The following GAB2 variants were observed in gnomAD, a reference collection of about 807,000 sequenced individuals.
GAB2 encodes GRB2 associated binding protein 2.
Under a neutral mutation model 65.5 loss-of-function variants are expected in GAB2, and 26 were observed. The observed-to-expected ratio is 0.40, with a 90% CI of 0.29 to 0.55. The LOEUF is 0.55. Ranked by LOEUF, GAB2 falls within the 20% of genes least tolerant of loss-of-function variation. The pLI is 0.53. For missense variants in GAB2, 884 were observed against 875.8 expected (o/e 1.01, Z -0.12); for synonymous variants, 321 against 329.6 (o/e 0.97, Z 0.28).
intron 5 of GAB2, among the ~76,000 whole-genome samples, chr11:78,224,613 G>T (rs892021347): frequency 6.6e-6 from 1 of 152,102 alleles, no homozygotes; most frequent in African/African-American, 2.4e-5. Context: ...TTTTCAGTGG[G>T]CCTGAAGCCA....
chr11:78,339,118 G>T (rs932963522), intron 1 of GAB2, among the ~76,000 whole-genome samples: 2 of 152,102 alleles, frequency 1.3e-5, no homozygotes, highest in Non-Finnish European at 1.5e-5. Context: ...TAGAGATAGG[G>T]ATTTGCCATG....
chr11:78,244,236 A>G (rs1225571354), intron 3 of GAB2, among the ~76,000 whole-genome samples: 1 of 152,076 alleles, frequency 6.6e-6, no homozygotes, highest in Non-Finnish European at 1.5e-5. Context: ...TATTAAAAAT[A>G]GAAAAATTGG....
chr11:78,338,522 T>C (rs1194697735), intron 1 of GAB2, among the ~76,000 whole-genome samples: 1 of 152,218 alleles, frequency 6.6e-6, no homozygotes, highest in East Asian at 1.9e-4. Context: ...TTTAACACAC[T>C]ATGCGCTTTC....
At position 78,219,120 on chromosome 11, in the gene GAB2, G is replaced by C; in HGVS notation, c.*152C>G. Reference sequence around the variant, plus strand: ...TCAGGCCCTCACCTCCCAGGGGAAGGGTTCAGGGTCCCTGATGTCAAGTGC... The same window carrying C: ...TCAGGCCCTCACCTCCCAGGGGAAGCGTTCAGGGTCCCTGATGTCAAGTGC... On this transcript the variant is annotated 3_prime_UTR_variant, in exon 10 of 10. Coordinates refer to ENST00000361507, the MANE Select transcript of GAB2 (RefSeq NM_080491.3). 1.4e-6 allele frequency: 1 copy of C among 695,978 alleles called. No homozygotes were observed. Among genetic ancestry groups the C allele is most frequent in the Non-Finnish European group, 2.4e-6 (1 of 422,684 alleles). 43.1% of individuals were successfully genotyped at this position (695,978 alleles called of 1,614,324 possible). A position where few individuals can be genotyped will look rare whatever the true frequency, so the allele number is the denominator to read the frequency against.
At chr11:78,307,422 G>C (rs1855386355) in intron 1 of GAB2, among the ~76,000 whole-genome samples, 1 of 152,092 alleles carries the variant, frequency 6.6e-6, no homozygotes, top group Non-Finnish European at 1.5e-5. Context: ...ATTTGTGATG[G>C]GGAAAATAAA....
intron 1 of GAB2, among the ~76,000 whole-genome samples, chr11:78,366,499 T>C (rs961751071): frequency 6.8e-6 from 1 of 147,372 alleles, no homozygotes; most frequent in Non-Finnish European, 1.5e-5. Flanking sequence ...GGCAGGAGAA[T>C]TGCTTGAACC....
chr11:78,408,358 A>G (rs1001135092), intron 1 of GAB2, among the ~76,000 whole-genome samples: 2 of 152,218 alleles, frequency 1.3e-5, no homozygotes, highest in Non-Finnish European at 2.9e-5. Flanking sequence ...TATGTACAGT[A>G]TAATACCTAG....
chr11:78,253,926 A>C (rs1323291861), intron 2 of GAB2, among the ~76,000 whole-genome samples: 1 of 152,186 alleles, frequency 6.6e-6, no homozygotes, highest in Non-Finnish European at 1.5e-5. Context: ...GACACAACCT[A>C]CTTATTCTGC....
intron 1 of GAB2, among the ~76,000 whole-genome samples, chr11:78,390,847 G>A (rs1344543713): frequency 1.3e-5 from 2 of 152,160 alleles, no homozygotes; most frequent in Non-Finnish European, 2.9e-5. Context: ...TACATAATCC[G>A]TGATATGTAT....
intron 1 of GAB2, among the ~76,000 whole-genome samples, chr11:78,351,080 C>T (rs529220114): frequency 3.3e-5 from 5 of 152,186 alleles, no homozygotes; most frequent in South Asian, 2.1e-4. Context: ...AGCTGTTGAC[C>T]GAGGCAACTG....
chr11:78,387,519 A>G (rs1856783548), intron 1 of GAB2, among the ~76,000 whole-genome samples: 1 of 152,260 alleles, frequency 6.6e-6, no homozygotes, highest in African/African-American at 2.4e-5. Context: ...TGGGTTGAGA[A>G]ACAAATTTGT....
intron 1 of GAB2, among the ~76,000 whole-genome samples, chr11:78,325,089 G>A (rs1167667933): frequency 6.6e-6 from 1 of 152,100 alleles, no homozygotes; most frequent in African/African-American, 2.4e-5. Flanking sequence ...ATATGTACCT[G>A]CACACTGCTA....
In GAB2 at chr11:78,235,222, G is replaced by A. The variant is rs571211227; in HGVS notation, c.621-8171C>T. 3.3e-3 allele frequency among the ~76,000 whole-genome samples: 495 copies of A among 151,606 alleles called. 5 individuals are homozygous for A. The highest frequency in any genetic ancestry group is 2.7e-3 in the Non-Finnish European group (183 of 67,862). The stretch of plus-strand genomic sequence containing the variant: ...GGCTGGAGTGCAGTGGCACGATCTC[G>A]GCTCACTGCAAGCTCCGCCTCCCGG... On this transcript the variant is annotated intron_variant, in intron 3 of 9. Coordinates refer to ENST00000361507, the MANE Select transcript of GAB2 (RefSeq NM_080491.3).
At chr11:78,409,451 G>A (rs1442352741) in intron 1 of GAB2, among the ~76,000 whole-genome samples, 1 of 152,168 alleles carries the variant, frequency 6.6e-6, no homozygotes, top group Non-Finnish European at 1.5e-5. Flanking sequence ...GGGTGTGGTG[G>A]CGCATGCCTG....
chr11:78,272,898 C>A (rs1866055112), intron 2 of GAB2, among the ~76,000 whole-genome samples: 1 of 152,236 alleles, frequency 6.6e-6, no homozygotes, highest in Non-Finnish European at 1.5e-5. Flanking sequence ...CCCAGTCACT[C>A]CATCCGTGAC....
chr11:78,300,246 ACATG>A, intron 1 of GAB2, among the ~76,000 whole-genome samples: 1 of 151,388 alleles, frequency 6.6e-6, no homozygotes, highest in African/African-American at 2.5e-5. Flanking sequence ...TTTATGCACA[ACATG>A]AAGTTGTAAT....
intron 8 of GAB2, 104 bp downstream of exon 8, chr11:78,221,573 G>A (rs1864424605): frequency 8.0e-6 from 5 of 625,324 alleles, no homozygotes; most frequent in Non-Finnish European, 1.5e-5. Flanking sequence ...AATACAAGGA[G>A]TCCCTGGGCT....
chr11:78,321,666 A>G (rs1408036841), intron 1 of GAB2, among the ~76,000 whole-genome samples: 3 of 152,212 alleles, frequency 2.0e-5, no homozygotes, highest in Non-Finnish European at 1.5e-5. Context: ...GAAACTTTTG[A>G]AAAGTACTCT....
chr11:78,309,640 A>AT (rs145793242), intron 1 of GAB2, among the ~76,000 whole-genome samples: 8 of 151,802 alleles, frequency 5.3e-5, no homozygotes, highest in African/African-American at 1.5e-4. Context: ...CCTGGCTAAT[A>AT]TTTTTTTAAA....
Sources: gnomAD v4.1 joint callset for allele counts (sites outside exome capture counted in the v4.1 genomes callset) on GRCh38, gnomAD v4.1.1 for gene constraint, MANE v1.5 for transcripts, NCBI Gene and HGNC (gene_info 2026-07-23, HGNC 2026-07-21) for gene names.